RAB28: variants seen among roughly 807,000 people sequenced by gnomAD.
The protein encoded by RAB28 is ras-related protein Rab-28.
In RAB28, 24 loss-of-function variants were observed where a neutral mutation model predicts 31.7. That is an observed-to-expected ratio of 0.76 (90% CI 0.55 to 1.06). RAB28 has a LOEUF of 1.06. Among genes scored for constraint, RAB28 ranks in the 50% least tolerant of loss-of-function variants. The pLI is 0.00. For missense variants in RAB28, 254 were observed against 258.5 expected (o/e 0.98, Z 0.12); for synonymous variants, 100 against 90.4 (o/e 1.11, Z -0.60).
chr4:13,458,425 C>G (rs935991041), intron 4 of RAB28, among the ~76,000 whole-genome samples: 3 of 151,746 alleles, frequency 2.0e-5, no homozygotes, highest in Non-Finnish European at 4.4e-5. Context: ...AAAAAATGTA[C>G]TACATTTTTA....
Position 13,425,661 on chromosome 4 carries a change from T to C in RAB28, c.391+35038A>G, listed in dbSNP as rs187113820. Among the ~76,000 whole-genome samples, 324 of 152,316 alleles carry C rather than the reference T, an allele frequency of 2.1e-3. 1 individual carries two copies. Among genetic ancestry groups the C allele is most frequent in the Middle Eastern group, 3.4e-3 (1 of 294 alleles). ...CAAGATCTTGAAGATACTGTCATTA[T>C]AGGGGGATTAATTTAACCTCTGGCA... On this transcript the variant is annotated intron_variant, in intron 4 of 6. Transcript: ENST00000330852.
intron 4 of RAB28, among the ~76,000 whole-genome samples, chr4:13,383,020 GT>G (rs113850865): frequency 0.052 from 7,835 of 151,350 alleles, 407 homozygotes; most frequent in African/African-American, 0.13. Context: ...GCTTTGTTTT[GT>G]TTTTTTTGCT....
intron 4 of RAB28, among the ~76,000 whole-genome samples, chr4:13,418,577 A>C (rs1712933811): frequency 6.6e-6 from 1 of 152,254 alleles, no homozygotes; most frequent in South Asian, 2.1e-4. Context: ...TACAAGCCAG[A>C]AGACAGCAGG....
intron 3 of RAB28, 38 bp downstream of exon 3, chr4:13,474,280 T>C (rs201565560): frequency 2.3e-6 from 3 of 1,325,544 alleles, no homozygotes; most frequent in African/African-American, 1.5e-5. Context: ...GTAAGTGGTA[T>C]ACTTTCAATA....
intron 4 of RAB28, among the ~76,000 whole-genome samples, chr4:13,420,780 A>G (rs759993249): frequency 1.2e-4 from 18 of 152,214 alleles, no homozygotes; most frequent in Non-Finnish European, 2.1e-4. Context: ...GCTATTTATG[A>G]CAAACCCACA....
At chr4:13,381,854 A>T (rs1342311119) in intron 4 of RAB28, among the ~76,000 whole-genome samples, 1 of 150,760 alleles carries the variant, frequency 6.6e-6, no homozygotes, top group African/African-American at 2.5e-5. Context: ...GAAGTGCTAA[A>T]AAAAAAATGT....
At chr4:13,383,688 G>A (rs151307566) in intron 4 of RAB28, among the ~76,000 whole-genome samples, 6 of 152,208 alleles carry the variant, frequency 3.9e-5, no homozygotes, top group East Asian at 1.9e-4. Context: ...TCATGGAGAC[G>A]GCTTTTCCTG....
chr4:13,380,833 CAATAAG>C (rs936897858), intron 5 of RAB28, among the ~76,000 whole-genome samples: 1 of 151,290 alleles, frequency 6.6e-6, no homozygotes, highest in African/African-American at 2.4e-5. Context: ...ATATGTTCCA[CAATAAG>C]AATAAGATTG....
chr4:13,450,331 C>T (rs1714899837), intron 4 of RAB28, among the ~76,000 whole-genome samples: 1 of 151,756 alleles, frequency 6.6e-6, no homozygotes, highest in Admixed American at 6.6e-5. Flanking sequence ...TTATTTCAAA[C>T]ATGATCTAGT....
At chr4:13,481,618 A>G (rs2184) in intron 1 of RAB28, among the ~76,000 whole-genome samples, 3,089 of 151,554 alleles carry the variant, frequency 0.02, 48 homozygotes, top group Admixed American at 0.03. Context: ...GAAAAGACAG[A>G]AAAAAAAAGA....
chr4:13,406,273 T>TA (rs1357592578), intron 4 of RAB28, among the ~76,000 whole-genome samples: 1 of 152,202 alleles, frequency 6.6e-6, no homozygotes, highest in Non-Finnish European at 1.5e-5. Flanking sequence ...GTTACTCTGT[T>TA]AGTTTGCTGA....
intron 4 of RAB28, among the ~76,000 whole-genome samples, chr4:13,417,686 G>A (rs542302113): frequency 6.6e-6 from 1 of 152,282 alleles, no homozygotes; most frequent in African/African-American, 2.4e-5. Context: ...CTAACAAACA[G>A]AAAGGAACAG....
intron 4 of RAB28, among the ~76,000 whole-genome samples, chr4:13,433,622 C>T (rs1297822636): frequency 6.6e-6 from 1 of 151,516 alleles, no homozygotes; most frequent in East Asian, 1.9e-4. Context: ...CAATCTCACA[C>T]CAGTCAGCTA....
chr4:13,378,750 G>A (rs1729016381), intron 5 of RAB28, among the ~76,000 whole-genome samples: 1 of 152,144 alleles, frequency 6.6e-6, no homozygotes, highest in African/African-American at 2.4e-5. Context: ...GAAGACAGAA[G>A]ATATGAGAAC....
At chr4:13,461,106 G>A (rs774248280) in intron 3 of RAB28, among the ~76,000 whole-genome samples, 7 of 152,082 alleles carry the variant, frequency 4.6e-5, no homozygotes, top group Non-Finnish European at 8.8e-5. Context: ...GAATATGCTT[G>A]GTAAGTTACA....
chr4:13,434,404 A>C (rs1465192617), intron 4 of RAB28, among the ~76,000 whole-genome samples: 3 of 152,250 alleles, frequency 2.0e-5, no homozygotes, highest in Non-Finnish European at 4.4e-5. Flanking sequence ...TATGCACCCA[A>C]CATAGAAGCA....
rs747543675 is a variant in RAB28 at position 13,460,796 on chromosome 4, A to G, written c.294T>C (p.Tyr98=). ...AATCTTCTAAATTCTCAAAGCTTTGATAATTTGTAATATCATATACCAAGA... is the reference window on the plus strand; with the variant it reads ...AATCTTCTAAATTCTCAAAGCTTTGGTAATTTGTAATATCATATACCAAGA... ...GVLLVYDITN[Y]QSFENLEDWY... The change falls in exon 4 of 7, where the codon TAT becomes TAC. Residue 98 remains tyrosine (Y), a synonymous_variant. Coordinates refer to ENST00000330852, the MANE Select transcript of RAB28 (RefSeq NM_001017979.3). The G allele has an allele frequency of 1.2e-6, 2 of 1,613,524 alleles. No homozygotes were observed. The highest frequency in any genetic ancestry group is 3.3e-5 in the Admixed American group (2 of 60,016).
At chr4:13,398,244 TAATAAA>T (rs1031546298) in intron 4 of RAB28, among the ~76,000 whole-genome samples, 12 of 152,158 alleles carry the variant, frequency 7.9e-5, no homozygotes, top group African/African-American at 2.9e-4. Flanking sequence ...ACTGGAAAAT[TAATAAA>T]CTGTCTTTTT....
chr4:13,386,328 C>G (rs890135201), intron 4 of RAB28, among the ~76,000 whole-genome samples: 1 of 151,988 alleles, frequency 6.6e-6, no homozygotes, highest in Admixed American at 6.6e-5. Flanking sequence ...AGACAACCTA[C>G]AGAATGGGAG....
Sources: allele counts gnomAD v4.1 joint callset (sites outside exome capture counted in the v4.1 genomes callset), GRCh38; gene constraint gnomAD v4.1.1; transcripts MANE v1.5; gene names NCBI Gene and HGNC (gene_info 2026-07-23, HGNC 2026-07-21).